PIWIL1: variants seen among roughly 807,000 people sequenced by gnomAD.
The protein encoded by PIWIL1 is piwi like RNA-mediated gene silencing 1, also known as piwi-like protein 1.
PIWIL1 carries 73 observed loss-of-function variants against 114.4 expected under a neutral mutation model. The observed-to-expected ratio is 0.64, with a 90% confidence interval of 0.53 to 0.78. The LOEUF (loss-of-function observed/expected upper bound fraction) is 0.78, where lower values mean the gene tolerates loss of function less well. Among genes scored for constraint, PIWIL1 ranks in the 30% least tolerant of loss-of-function variants. PIWIL1 has a pLI of 0.00. For synonymous variants in PIWIL1, 375 were observed against 369.0 expected (o/e 1.02, Z -0.19); for missense variants, 723 against 1,063.1 (o/e 0.68, Z 4.45).
chr12:130,357,330 T>C, intron 13 of PIWIL1, 151 bp from the exon 14 acceptor site: 1 of 681,920 alleles, frequency 1.5e-6, no homozygotes. Flanking sequence ...CTCGTTTGTA[T>C]TAGAAACAGC....
chr12:130,375,756 C>G (rs1463539688), downstream of PIWIL1, among the ~76,000 whole-genome samples: 1 of 152,092 alleles, frequency 6.6e-6, no homozygotes, highest in African/African-American at 2.4e-5. Flanking sequence ...CCATTTCTCT[C>G]TTTCCCTCAA....
At chr12:130,352,399 C>T (rs2073236681) in intron 9 of PIWIL1, among the ~76,000 whole-genome samples, 1 of 152,200 alleles carries the variant, frequency 6.6e-6, no homozygotes, top group African/African-American at 2.4e-5. Flanking sequence ...TTTGACAGGG[C>T]CAGGCACGAT....
rs761298867 is a variant in PIWIL1, at chr12:130,355,687, G to T, written c.1404+20G>T. ...AAAACAGTAAGGCAGTTTTTCGTTG[G>T]TGTTGTTGTTGTTTTTGAGACGGAG... On this transcript the variant is annotated intron_variant, in intron 12 of 20. Coordinates refer to ENST00000245255, the MANE Select transcript of PIWIL1 (RefSeq NM_004764.5). The T allele has an allele frequency of 6.5e-7, 1 of 1,534,310 alleles. No individual in the cohort carries two copies.
At chr12:130,412,097 T>G in the PIWIL1 span, among the ~76,000 whole-genome samples, 1 of 152,110 alleles carries the variant, frequency 6.6e-6, no homozygotes, top group Non-Finnish European at 1.5e-5. Context: ...GCTTAAAAAA[T>G]CACTGAAAAT....
At chr12:130,338,691 T>C (rs1439917134) in intron 1 of PIWIL1, among the ~76,000 whole-genome samples, 2 of 49,658 alleles carry the variant, frequency 4.0e-5, no homozygotes, top group African/African-American at 1.8e-4. Flanking sequence ...AGGTCCCAGG[T>C]GCGGGGGATG....
At chr12:130,382,822 T>C in the PIWIL1 span, among the ~76,000 whole-genome samples, 24 of 152,212 alleles carry the variant, frequency 1.6e-4, no homozygotes, top group Non-Finnish European at 2.1e-4. Context: ...AAACTCTACA[T>C]AGTTTCAGTC....
At chr12:130,393,647 G>T in the PIWIL1 span, among the ~76,000 whole-genome samples, 2 of 151,880 alleles carry the variant, frequency 1.3e-5, no homozygotes, top group Non-Finnish European at 2.9e-5. Context: ...TCACTAGACC[G>T]GTATTGGATT....
chr12:130,389,907 T>C, the PIWIL1 span, among the ~76,000 whole-genome samples: 1 of 152,212 alleles, frequency 6.6e-6, no homozygotes, highest in Non-Finnish European at 1.5e-5. Flanking sequence ...TCCAGCTCTC[T>C]CTCTCTATAG....
At chr12:130,422,176 A>G in the PIWIL1 span, among the ~76,000 whole-genome samples, 3 of 152,176 alleles carry the variant, frequency 2.0e-5, no homozygotes, top group African/African-American at 7.2e-5. This position sits in a 1 kb window ranked among gnomAD's most constrained non-coding sequence, Gnocchi z 5.2. Flanking sequence ...GGGAGGTGAC[A>G]CAAAGTGGTC....
chr12:130,349,223 C>T lies in PIWIL1; in HGVS notation c.735-16C>T. Reference sequence around the variant, plus strand: ...AATGTGGAGAGGTTCTTCATGACCCCCATCTCGTCTGACAGGTTGGTGATT... The same window carrying T: ...AATGTGGAGAGGTTCTTCATGACCCTCATCTCGTCTGACAGGTTGGTGATT... On this transcript the variant is annotated splice_polypyrimidine_tract_variant and intron_variant, in intron 7 of 20. Transcript: ENST00000245255. 6.2e-7 allele frequency: 1 copy of T among 1,604,614 alleles called. No individual in the cohort carries two copies. Among genetic ancestry groups the T allele is most frequent in the Non-Finnish European group, 8.5e-7 (1 of 1,171,690 alleles).
the PIWIL1 span, among the ~76,000 whole-genome samples, chr12:130,385,696 T>G: frequency 1.3e-5 from 2 of 152,130 alleles, no homozygotes; most frequent in Non-Finnish European, 2.9e-5. Flanking sequence ...TTGAGGAGTG[T>G]CTTGAGATTT....
the PIWIL1 span, among the ~76,000 whole-genome samples, chr12:130,393,226 C>G: frequency 4.0e-5 from 1 of 24,940 alleles, no homozygotes; most frequent in African/African-American, 1.3e-4. Flanking sequence ...TCATGTGTGT[C>G]TGTCAGTTAC....
chr12:130,392,674 C>T, the PIWIL1 span, among the ~76,000 whole-genome samples: 1 of 4,628 alleles, frequency 2.2e-4, no homozygotes, highest in African/African-American at 5.4e-4. Flanking sequence ...ACCGTCATCA[C>T]GTGTCTGTCA....
the PIWIL1 span, among the ~76,000 whole-genome samples, chr12:130,423,656 CA>C: frequency 0.48 from 24,052 of 49,986 alleles, 3,931 homozygotes; most frequent in South Asian, 0.57. Context: ...AAACAATATG[CA>C]AAAAAAAAAA....
At chr12:130,373,841 G>A (rs1044335099), downstream of PIWIL1, among the ~76,000 whole-genome samples, 3 of 152,136 alleles carry the variant, frequency 2.0e-5, no homozygotes, top group Non-Finnish European at 2.9e-5. Context: ...CCGAGTACAC[G>A]GAGCACTGTC....
In PIWIL1 at chr12:130,338,034, A is replaced by T; in HGVS notation, c.-125A>T. ...CCGAAGGCGAGGTGGGCGCGGGCCG[A>T]AGGAGGTCCTGGGAGGTCGGCGGCG... On this transcript the variant is annotated 5_prime_UTR_variant, in exon 1 of 21. The change creates a premature stop within an existing upstream ORF in the 5' untranslated region. Transcript: ENST00000245255. 5.6e-6 allele frequency: 1 copy of T among 180,138 alleles called. No homozygotes were observed. Among genetic ancestry groups the T allele is most frequent in the Non-Finnish European group, 1.2e-5 (1 of 86,484 alleles). 11.2% of individuals were successfully genotyped at this position (180,138 alleles called of 1,614,324 possible).
chr12:130,365,158 T>G (rs2073620471), intron 18 of PIWIL1, among the ~76,000 whole-genome samples: 1 of 152,182 alleles, frequency 6.6e-6, no homozygotes, highest in Non-Finnish European at 1.5e-5. Flanking sequence ...GAACACAGCG[T>G]TGCAGGGAAG....
chr12:130,371,438 G>A (rs745432076), intron 20 of PIWIL1, 44 bp from the exon 21 acceptor site: 1 of 1,608,426 alleles, frequency 6.2e-7, no homozygotes, highest in Non-Finnish European at 8.5e-7. Flanking sequence ...AATTGAAAGA[G>A]GCTAAGTCTA....
chr12:130,407,309 C>T, the PIWIL1 span, among the ~76,000 whole-genome samples: 5 of 152,166 alleles, frequency 3.3e-5, no homozygotes, highest in Admixed American at 6.5e-5. Context: ...CTGTGCCAGG[C>T]GACACAACCT....
Sources: gnomAD v4.1 joint callset for allele counts (sites outside exome capture counted in the v4.1 genomes callset) on GRCh38, gnomAD v4.1.1 for gene constraint, Gnocchi (gnomAD v3.1) non-coding constraint, MANE v1.5 for transcripts, NCBI Gene and HGNC (gene_info 2026-07-23, HGNC 2026-07-21) for gene names.